COL12A1: variants seen among roughly 807,000 people sequenced by gnomAD.
The protein encoded by COL12A1 is collagen alpha-1(XII) chain.
In COL12A1, 114 loss-of-function variants were observed where a neutral mutation model predicts 349.7. The ratio of observed to expected loss-of-function variants is 0.33; its 90% confidence interval spans 0.28 to 0.38. The LOEUF (loss-of-function observed/expected upper bound fraction) is 0.38, where lower values mean the gene tolerates loss of function less well. Ranked by LOEUF, COL12A1 falls within the 10% of genes least tolerant of loss-of-function variation. The probability of loss-of-function intolerance (pLI) is 1.00; values close to 1 mark genes in which losing one functional copy is unlikely to be tolerated. For missense variants in COL12A1, 3,284 were observed against 3,756.9 expected (o/e 0.87, Z 3.29); for synonymous variants, 1,369 against 1,329.0 (o/e 1.03, Z -0.66).
chr6:75,101,552 A>T (rs746427602), intron 58 of COL12A1, 48 bp downstream of exon 58: 1 of 1,567,786 alleles, frequency 6.4e-7, no homozygotes, highest in East Asian at 2.2e-5. Flanking sequence ...ATAGGCAACC[A>T]TATGACATCA....
intron 13 of COL12A1, among the ~76,000 whole-genome samples, chr6:75,168,300 G>T (rs1199756954): frequency 6.6e-6 from 1 of 152,184 alleles, no homozygotes; most frequent in East Asian, 1.9e-4. Context: ...AGAATAAGTT[G>T]TACTCATGAC....
intron 52 of COL12A1, 127 bp from the exon 53 acceptor site, chr6:75,106,623 T>C (rs1768558727): frequency 5.4e-6 from 4 of 746,134 alleles, no homozygotes; most frequent in Middle Eastern, 2.5e-4. Flanking sequence ...TTGAGAGCAA[T>C]GTGATCCTTA....
intron 43 of COL12A1, among the ~76,000 whole-genome samples, chr6:75,122,132 C>T (rs1422348534): frequency 1.3e-5 from 2 of 152,130 alleles, no homozygotes. Context: ...TGAGCCACCG[C>T]ACCTGGCCAA....
chr6:75,160,321 T>C (rs150791594), intron 14 of COL12A1, among the ~76,000 whole-genome samples: 1,718 of 152,288 alleles, frequency 0.011, 33 homozygotes, highest in African/African-American at 0.039. Context: ...ATCAATGTAT[T>C]CGTTTCATTG....
chr6:75,130,016 C>G, intron 37 of COL12A1, 75 bp downstream of exon 37: 1 of 1,539,412 alleles, frequency 6.5e-7, no homozygotes, highest in Non-Finnish European at 8.9e-7. Flanking sequence ...CACAGCATAC[C>G]TCTAAAGAAG....
chr6:75,188,236 T>C, intron 8 of COL12A1, 126 bp downstream of exon 8: 2 of 982,770 alleles, frequency 2.0e-6, no homozygotes, highest in South Asian at 3.8e-5. Flanking sequence ...AACAATACAG[T>C]GGAGTATACA....
At chr6:75,094,829 A>T (rs1767930010) in intron 60 of COL12A1, among the ~76,000 whole-genome samples, 1 of 152,176 alleles carries the variant, frequency 6.6e-6, no homozygotes, top group Non-Finnish European at 1.5e-5. Context: ...CCCAGCTCTG[A>T]GTGTTTATAC....
intron 60 of COL12A1, 46 bp downstream of exon 60, chr6:75,095,062 T>C (rs762716097): frequency 1.8e-5 from 28 of 1,541,132 alleles, no homozygotes; most frequent in Non-Finnish European, 2.5e-5. Context: ...ATTATTTATT[T>C]CCACGGTGAA....
At position 75,102,591 on chromosome 6, in the gene COL12A1, G is replaced by A; in HGVS notation, c.8415+6C>T. Reference sequence around the variant, plus strand: ...CTCATTTAATACAGAAAGGCTTTGTGCTTACTTGCTCTCCCGGAATAGAGA... The same window carrying A: ...CTCATTTAATACAGAAAGGCTTTGTACTTACTTGCTCTCCCGGAATAGAGA... On this transcript the variant is annotated splice_donor_region_variant and intron_variant, in intron 56 of 65. Transcript: ENST00000322507. The A allele has an allele frequency of 6.6e-7, 1 of 1,521,238 alleles. No individual in the cohort carries two copies. The highest frequency in any genetic ancestry group is 8.8e-7 in the Non-Finnish European group (1 of 1,137,124). The allele number at this position is 1,521,238 out of a possible 1,614,324, so 94.2% of individuals were successfully genotyped here.
chr6:75,119,064 C>T lies in COL12A1; in HGVS notation c.7333G>A (p.Ala2445Thr). The T allele has an allele frequency of 6.2e-7, 1 of 1,613,918 alleles. No homozygotes were observed. The highest frequency in any genetic ancestry group is 8.5e-7 in the Non-Finnish European group (1 of 1,179,880). Reference protein sequence around the residue: ...GRSQDEVKKAALVIQQSGFSV... With the variant: ...GRSQDEVKKATLVIQQSGFSV... ...TTGCCTGACTGCTGGATGACCAAAGCCGCCTTCTTGACCTCATCCTGGGAC... is the reference window on the plus strand; with the variant it reads ...TTGCCTGACTGCTGGATGACCAAAGTCGCCTTCTTGACCTCATCCTGGGAC... The change falls in exon 46 of 66, where the codon GCT (alanine) becomes ACT (threonine). Residue 2445 changes from alanine (A) to threonine (T), a missense_variant. Around this residue, in one of 2 missense-constraint regions of COL12A1, gnomAD observed 683 missense variants for 932.1 expected, o/e 0.73. Coordinates refer to ENST00000322507, the MANE Select transcript of COL12A1 (RefSeq NM_004370.6).
chr6:75,152,278 A>T (rs768788933), intron 18 of COL12A1, 28 bp from the exon 19 acceptor site: 3 of 1,613,542 alleles, frequency 1.9e-6, no homozygotes, highest in Non-Finnish European at 2.5e-6. Flanking sequence ...GCATTAGTGC[A>T]TGTGAAAGAG....
At position 75,117,490 on chromosome 6, in the gene COL12A1, T is replaced by C. The variant is rs1769141448; in HGVS notation, c.7411A>G (p.Ile2471Val). The change falls in exon 47 of 66, where the codon ATT (isoleucine) becomes GTT (valine). Residue 2471 changes from isoleucine to valine, a missense_variant. Ile to Val is a conservative substitution (Grantham distance 29, BLOSUM62 3). This residue lies in a region of COL12A1 where 683 missense variants were observed against 932.1 expected (regional missense o/e 0.73). Coordinates refer to ENST00000322507, the MANE Select transcript of COL12A1 (RefSeq NM_004370.6). ...ADVDYNELAN[I>V]ASKPSERHVF... ...TGCCGTTCACTTGGTTTGCTGGCAA[T>C]GTTGGCAAGCTCATTGTAGTCGACA... is the stretch of plus-strand genomic sequence containing the variant. 6.2e-7 allele frequency: 1 copy of C among 1,613,744 alleles called. No homozygotes were observed. The highest frequency in any genetic ancestry group is 8.5e-7 in the Non-Finnish European group (1 of 1,179,700).
rs1306651193 is a variant in COL12A1, at chr6:75,143,299, G to A, written c.4780C>T (p.Arg1594Cys). The A allele has an allele frequency of 8.1e-6, 13 of 1,613,450 alleles. No homozygotes were observed. The highest frequency in any genetic ancestry group is 2.2e-5 in the East Asian group (1 of 44,840). Residue 1594 changes from arginine (R) to cysteine (C), a missense_variant, in exon 26 of 66, where the codon CGT becomes TGT. Physicochemically the swap from Arg to Cys is radical, Grantham distance 180 (BLOSUM62 -3). This residue lies in a region of COL12A1 where 2,601 missense variants were observed against 2,824.8 expected (regional missense o/e 0.92). Transcript: ENST00000322507. ...VFWEPVPGKV[R>C]KYIVRYKTPE... ...GTTTTGTATCGAACAATATATTTAC[G>A]CACTTTTCCAGGCACAGGTTCCCAA...
At position 75,124,721 on chromosome 6, in the gene COL12A1, A is replaced by G. The variant is rs569049558; in HGVS notation, c.6608-350T>C. On this transcript the variant is annotated intron_variant, in intron 40 of 65. Transcript: ENST00000322507. ...TGGTGACCTTAAAATATATCTGTGG[A>G]CTGAATCACACTAATCATGATTCAA... is the stretch of plus-strand genomic sequence containing the variant. Among the ~76,000 whole-genome samples, 2 of 152,274 alleles carry G rather than the reference A, an allele frequency of 1.3e-5. 1 individual carries two copies. The highest frequency in any genetic ancestry group is 3.9e-4 in the East Asian group (2 of 5,188).
chr6:75,152,513 A>C (rs1167345281), intron 17 of COL12A1, 31 bp from the exon 18 acceptor site: 1 of 1,611,926 alleles, frequency 6.2e-7, no homozygotes, highest in Non-Finnish European at 8.5e-7. Flanking sequence ...CAAGACAGTA[A>C]GAAGCAAATT....
chr6:75,112,769 A>G (rs1053984989), intron 51 of COL12A1, among the ~76,000 whole-genome samples: 3 of 151,630 alleles, frequency 2.0e-5, no homozygotes, highest in African/African-American at 7.2e-5. Flanking sequence ...GTACTTTTCA[A>G]TAAAATACAA....
chr6:75,096,623 G>A (rs370906886), intron 59 of COL12A1, among the ~76,000 whole-genome samples: 2 of 152,202 alleles, frequency 1.3e-5, no homozygotes, highest in African/African-American at 2.4e-5. Flanking sequence ...GGGGCCGGGC[G>A]CGGTGGCTCA....
In COL12A1 at chr6:75,152,353, C is replaced by G. The variant is rs1335323444; in HGVS notation, c.3695G>C (p.Gly1232Ala). The change falls in exon 18 of 66, where the codon GGC becomes GCC. Residue 1232 changes from glycine to alanine, a missense_variant. Gly to Ala is a moderately conservative substitution (Grantham distance 60). Coordinates refer to ENST00000322507, the MANE Select transcript of COL12A1 (RefSeq NM_004370.6). ...CCTACCAATTTGTACTCTTTTGGGG[C>G]CAATGTCAAAGACTTCCACAATACG... is the stretch of plus-strand genomic sequence containing the variant. ...ISRIVEVFDI[G>A]PKRVQIALAQ... The G allele has an allele frequency of 6.2e-7, 1 of 1,613,572 alleles. No homozygotes were observed. Among genetic ancestry groups the G allele is most frequent in the Non-Finnish European group, 8.5e-7 (1 of 1,179,694 alleles).
chr6:75,112,687 T>G (rs949370573), intron 51 of COL12A1, among the ~76,000 whole-genome samples: 2 of 151,734 alleles, frequency 1.3e-5, no homozygotes, highest in African/African-American at 2.4e-5. Flanking sequence ...ACATTTATCT[T>G]AATTATTTTG....
Sources: gnomAD v4.1 joint callset for allele counts (sites outside exome capture counted in the v4.1 genomes callset) on GRCh38, gnomAD v4.1.1 for gene constraint, gnomAD v4.1.1 regional missense constraint, MANE v1.5 for transcripts, NCBI Gene and HGNC (gene_info 2026-07-23, HGNC 2026-07-21) for gene names.